SOX6: variants seen among roughly 807,000 people sequenced by gnomAD.
SOX6 encodes the protein SRY-box transcription factor 6, also known as transcription factor SOX-6.
A neutral mutation model predicts 97.8 loss-of-function variants in SOX6; 11 were observed. The observed-to-expected ratio is 0.11, with a 90% CI of 0.07 to 0.19. The LOEUF is 0.19. SOX6 is among the 10% of genes least tolerant of loss of function. SOX6 has a pLI of 1.00. For synonymous variants in SOX6, 360 were observed against 371.4 expected (o/e 0.97, Z 0.35); for missense variants, 810 against 1,039.5 (o/e 0.78, Z 3.04).
chr11:15,982,832 C>A (rs1303018769), intron 15 of SOX6, among the ~76,000 whole-genome samples: 1 of 151,878 alleles, frequency 6.6e-6, no homozygotes. Context: ...GCTGAATGTA[C>A]CTGCATAATT....
intron 9 of SOX6, among the ~76,000 whole-genome samples, chr11:16,056,581 C>T (rs930967298): frequency 1.3e-5 from 2 of 152,136 alleles, no homozygotes; most frequent in Non-Finnish European, 2.9e-5. Flanking sequence ...TTCATGCTTC[C>T]AAACAGATCA....
intron 3 of SOX6, among the ~76,000 whole-genome samples, chr11:16,663,773 A>C (rs1847784266): frequency 6.6e-6 from 1 of 152,218 alleles, no homozygotes; most frequent in African/African-American, 2.4e-5. Flanking sequence ...ATTCTTGTTC[A>C]ATTAATTCGA....
At chr11:16,416,519 A>G (rs566458719) in intron 1 of SOX6, among the ~76,000 whole-genome samples, 1 of 152,308 alleles carries the variant, frequency 6.6e-6, no homozygotes, top group East Asian at 1.9e-4. Flanking sequence ...TGTACCAGCT[A>G]AAAAGTAAAG....
intron 2 of SOX6, among the ~76,000 whole-genome samples, chr11:16,715,777 G>T (rs1012065206): frequency 5.9e-5 from 9 of 151,970 alleles, no homozygotes; most frequent in African/African-American, 1.9e-4. Context: ...TAGTTTAATG[G>T]TTTTGAAGTT....
At chr11:16,102,977 AT>A (rs1399925817) in intron 7 of SOX6, among the ~76,000 whole-genome samples, 1 of 152,054 alleles carries the variant, frequency 6.6e-6, no homozygotes, top group Non-Finnish European at 1.5e-5. Context: ...CAAAGAATTC[AT>A]CACCAAGAAC....
chr11:16,360,040 T>C (rs1436237920), upstream of SOX6, among the ~76,000 whole-genome samples: 1 of 152,226 alleles, frequency 6.6e-6, no homozygotes, highest in Non-Finnish European at 1.5e-5. Flanking sequence ...ACTTTTACAC[T>C]ATACTTCTAA....
chr11:16,667,064 T>TAA (rs35241540), intron 3 of SOX6, among the ~76,000 whole-genome samples: 58 of 142,392 alleles, frequency 4.1e-4, no homozygotes, highest in East Asian at 2.2e-3. Context: ...ACCAAAAAAT[T>TAA]AAAAAAAAAA....
rs61285320 is a variant in SOX6, at chr11:16,591,318, C to CATAGATAGATAG, written n.609+20751_609+20762dup. 2.0e-3 allele frequency among the ~76,000 whole-genome samples: 248 copies of CATAGATAGATAG among 123,540 alleles called. 1 individual carries two copies. Among genetic ancestry groups the CATAGATAGATAG allele is most frequent in the African/African-American group, 6.1e-3 (195 of 32,118 alleles). The allele number at this position is 123,540 out of a possible 152,430, so 81.0% of individuals were successfully genotyped here. A position where few individuals can be genotyped will look rare whatever the true frequency, so the allele number is the denominator to read the frequency against. On this transcript the variant is annotated intron_variant and non_coding_transcript_variant, in intron 4 of 5. Transcript: ENST00000524520. ...CATAGATTAGATAAATGGTTAGATA[C>CATAGATAGATAG]ATAGATAGATAGATAGATAGATAGA...
chr11:16,130,110 A>G (rs1364058846), intron 6 of SOX6, among the ~76,000 whole-genome samples: 3 of 152,072 alleles, frequency 2.0e-5, no homozygotes, highest in Non-Finnish European at 4.4e-5. Flanking sequence ...GTCACAACAT[A>G]AAAGGCCAAT....
At chr11:16,375,095 T>C (rs926093824) in intron 1 of SOX6, among the ~76,000 whole-genome samples, 4 of 150,570 alleles carry the variant, frequency 2.7e-5, no homozygotes, top group Admixed American at 6.6e-5. Flanking sequence ...TTAGGTGTTA[T>C]ATAAAAAAAT....
intron 3 of SOX6, among the ~76,000 whole-genome samples, chr11:16,646,472 T>G (rs1321216581): frequency 7.0e-6 from 1 of 143,452 alleles, no homozygotes; most frequent in Non-Finnish European, 1.6e-5. Flanking sequence ...ATTTTCTTTG[T>G]TTTTTTTTTT....
chr11:16,727,979 C>T (rs1387527321), intron 2 of SOX6, among the ~76,000 whole-genome samples: 2 of 152,242 alleles, frequency 1.3e-5, no homozygotes, highest in African/African-American at 4.8e-5. Flanking sequence ...AGAAGATATA[C>T]ATCTGGGTGG....
intron 4 of SOX6, among the ~76,000 whole-genome samples, chr11:16,547,248 A>G (rs1036902528): frequency 6.6e-6 from 1 of 152,154 alleles, no homozygotes; most frequent in Admixed American, 6.6e-5. Context: ...ATCATCCAGC[A>G]ATCTTGCCAC....
At chr11:16,291,527 C>T (rs1005854882) in intron 3 of SOX6, among the ~76,000 whole-genome samples, 1 of 151,792 alleles carries the variant, frequency 6.6e-6, no homozygotes, top group Non-Finnish European at 1.5e-5. Context: ...GTAGGGTGTT[C>T]TCAATTCTAA....
intron 2 of SOX6, among the ~76,000 whole-genome samples, chr11:16,718,521 C>G (rs547463522): frequency 6.6e-6 from 1 of 152,058 alleles, no homozygotes. Context: ...AAAATACCAG[C>G]CAAAACATGT....
chr11:16,312,287 G>A (rs907567458), intron 3 of SOX6: 2 of 152,066 alleles, frequency 1.3e-5, no homozygotes, highest in African/African-American at 2.4e-5. Context: ...ATTACCTAAA[G>A]AATAAGTTTT....
At chr11:16,263,880 C>A (rs1338459693) in intron 3 of SOX6, among the ~76,000 whole-genome samples, 1 of 151,900 alleles carries the variant, frequency 6.6e-6, no homozygotes, top group Non-Finnish European at 1.5e-5. Context: ...CTATCTCTCC[C>A]TGTCTCTACA....
At chr11:16,070,393 C>T (rs552085100) in intron 9 of SOX6, among the ~76,000 whole-genome samples, 1 of 152,128 alleles carries the variant, frequency 6.6e-6, no homozygotes, top group South Asian at 2.1e-4. Context: ...AAATCTGAAT[C>T]CATCAGATAA....
chr11:16,204,942 A>G (rs747456858), intron 4 of SOX6, among the ~76,000 whole-genome samples: 13 of 151,318 alleles, frequency 8.6e-5, no homozygotes, highest in Non-Finnish European at 1.8e-4. Context: ...CTGCTATAAC[A>G]TGCTTCCTCT....
Sources: allele counts gnomAD v4.1 joint callset (sites outside exome capture counted in the v4.1 genomes callset), GRCh38; gene constraint gnomAD v4.1.1; transcripts MANE v1.5; gene names NCBI Gene and HGNC (gene_info 2026-07-23, HGNC 2026-07-21).